KIAA1217: variants seen among roughly 807,000 people sequenced by gnomAD.
The protein encoded by KIAA1217 is sickle tail protein homolog.
In KIAA1217, 88 loss-of-function variants were observed where a neutral mutation model predicts 163.9. The observed-to-expected ratio is 0.54, with a 90% CI of 0.45 to 0.64. The LOEUF (loss-of-function observed/expected upper bound fraction) is 0.64, where lower values mean the gene tolerates loss of function less well. KIAA1217 is among the 30% of genes least tolerant of loss of function. The pLI, the probability that KIAA1217 is intolerant of heterozygous loss-of-function variation, is 0.00. For missense variants in KIAA1217, 2,372 were observed against 2,475.0 expected (o/e 0.96, Z 0.88); for synonymous variants, 903 against 923.1 (o/e 0.98, Z 0.39).
At chr10:24,104,563 A>G (rs139616949) in intron 2 of KIAA1217, among the ~76,000 whole-genome samples, 63 of 152,310 alleles carry the variant, frequency 4.1e-4, no homozygotes, top group African/African-American at 1.4e-3. Flanking sequence ...GGCAGTGAAA[A>G]TACTTTGCAT....
chr10:23,860,206 A>G (rs1432308111), intron 1 of KIAA1217, among the ~76,000 whole-genome samples: 1 of 151,520 alleles, frequency 6.6e-6, no homozygotes, highest in Non-Finnish European at 1.5e-5. Context: ...TTGTGACTTT[A>G]TCTTCCTTAA....
chr10:23,857,900 G>A lies in KIAA1217; in HGVS notation c.-320-149325G>A, dbSNP rs114737855. 5.5e-3 allele frequency among the ~76,000 whole-genome samples: 827 copies of A among 151,640 alleles called. 5 individuals are homozygous for A. Among genetic ancestry groups the A allele is most frequent in the Middle Eastern group, 0.02 (6 of 294 alleles). On this transcript the variant is annotated intron_variant, in intron 1 of 18. Transcript: ENST00000376462. ...TTCTAATTTAATAGTTAGAAACAGT[G>A]AAAATGCCATTTTATTAAGTTATAT...
At chr10:24,010,080 G>C (rs1476586834) in intron 2 of KIAA1217, among the ~76,000 whole-genome samples, 1 of 151,898 alleles carries the variant, frequency 6.6e-6, no homozygotes, top group African/African-American at 2.4e-5. Context: ...GATAGCTAAA[G>C]AAACATTTTC....
intron 1 of KIAA1217, among the ~76,000 whole-genome samples, chr10:23,823,071 T>A (rs1363823072): frequency 5.9e-5 from 9 of 152,200 alleles, no homozygotes; most frequent in African/African-American, 2.2e-4. Context: ...TAAATAAATG[T>A]CTTAAGCATG....
At chr10:23,754,982 A>G (rs1254988785) in intron 1 of KIAA1217, among the ~76,000 whole-genome samples, 1 of 152,060 alleles carries the variant, frequency 6.6e-6, no homozygotes, top group Admixed American at 6.5e-5. Context: ...ATGATTAAAA[A>G]CCACCAAATT....
intron 2 of KIAA1217, among the ~76,000 whole-genome samples, chr10:24,344,033 C>T (rs1413295351): frequency 6.6e-6 from 1 of 152,154 alleles, no homozygotes; most frequent in Non-Finnish European, 1.5e-5. Flanking sequence ...ATTGGTTGCT[C>T]AGTTCACTGT....
chr10:24,145,182 G>A (rs1466489517), intron 2 of KIAA1217, among the ~76,000 whole-genome samples: 1 of 152,236 alleles, frequency 6.6e-6, no homozygotes, highest in Non-Finnish European at 1.5e-5. Flanking sequence ...GTTCATACTT[G>A]TTATTCCTCT....
intron 1 of KIAA1217, among the ~76,000 whole-genome samples, chr10:23,965,928 A>C (rs1325189862): frequency 6.6e-6 from 1 of 152,224 alleles, no homozygotes. Context: ...CCTGTAACAG[A>C]CACTGATTTA....
chr10:24,447,324 G>A (rs1216372332), intron 5 of KIAA1217, among the ~76,000 whole-genome samples: 1 of 151,712 alleles, frequency 6.6e-6, no homozygotes. Context: ...TGCCATGTTG[G>A]TGTGCTGCAC....
chr10:24,383,211 T>C (rs898600956), intron 3 of KIAA1217, among the ~76,000 whole-genome samples: 8 of 152,138 alleles, frequency 5.3e-5, no homozygotes, highest in Non-Finnish European at 1.0e-4. Context: ...GATTTCTCCT[T>C]TGTGCTTGGA....
intron 1 of KIAA1217, among the ~76,000 whole-genome samples, chr10:23,839,804 A>T (rs915256066): frequency 3.9e-5 from 6 of 152,076 alleles, no homozygotes; most frequent in Non-Finnish European, 8.8e-5. Flanking sequence ...TTGATGTCCC[A>T]CCACAAATCT....
intron 1 of KIAA1217, among the ~76,000 whole-genome samples, chr10:23,726,556 A>T: frequency 6.6e-6 from 1 of 152,138 alleles, no homozygotes; most frequent in Non-Finnish European, 1.5e-5. Flanking sequence ...GACAAATGGG[A>T]TCTAATTAAA....
intron 5 of KIAA1217, 30 bp downstream of exon 5, chr10:24,438,509 C>G (rs747347644): frequency 1.4e-6 from 2 of 1,440,896 alleles, no homozygotes; most frequent in Non-Finnish European, 2.0e-6. Context: ...TTTTACTTAT[C>G]TTCAGTGGGT....
At chr10:23,714,172 C>T (rs1837427899) in intron 1 of KIAA1217, among the ~76,000 whole-genome samples, 1 of 151,986 alleles carries the variant, frequency 6.6e-6, no homozygotes, top group South Asian at 2.1e-4. Flanking sequence ...TACATATTTC[C>T]CCTTCCCCGC....
At chr10:24,544,583 A>C in intron 19 of KIAA1217, 102 bp downstream of exon 19, 1 of 1,382,134 alleles carries the variant, frequency 7.2e-7, no homozygotes, top group Non-Finnish European at 9.6e-7. Flanking sequence ...GCTTTCTTTC[A>C]GGTGGCTTTT....
At chr10:23,846,309 A>G (rs1839026388) in intron 1 of KIAA1217, among the ~76,000 whole-genome samples, 1 of 152,166 alleles carries the variant, frequency 6.6e-6, no homozygotes, top group Non-Finnish European at 1.5e-5. Flanking sequence ...TTGAATCTAT[A>G]AATTACTTCG....
intron 11 of KIAA1217, among the ~76,000 whole-genome samples, chr10:24,520,667 T>C (rs1320912711): frequency 1.1e-3 from 65 of 58,104 alleles, no homozygotes; most frequent in African/African-American, 4.3e-3. Context: ...TATATATATA[T>C]ATATATATAC....
intron 4 of KIAA1217, among the ~76,000 whole-genome samples, chr10:24,434,539 G>T (rs1346494646): frequency 6.6e-6 from 1 of 152,128 alleles, no homozygotes; most frequent in East Asian, 1.9e-4. Context: ...ATCTCCCTAT[G>T]TTACCCAGGC....
intron 2 of KIAA1217, among the ~76,000 whole-genome samples, chr10:24,360,571 T>C (rs1428105807): frequency 2.0e-5 from 3 of 152,146 alleles, no homozygotes; most frequent in Admixed American, 2.0e-4. Flanking sequence ...CCAGGGCCAT[T>C]TGGGGGCATT....
Sources: gnomAD v4.1 joint callset for allele counts (sites outside exome capture counted in the v4.1 genomes callset) on GRCh38, gnomAD v4.1.1 for gene constraint, MANE v1.5 for transcripts, NCBI Gene and HGNC (gene_info 2026-07-23, HGNC 2026-07-21) for gene names.